ROBO1: variants seen among roughly 807,000 people sequenced by gnomAD.
The protein encoded by ROBO1 is roundabout guidance receptor 1, also known as roundabout homolog 1.
In ROBO1, 149 loss-of-function variants were observed where a neutral mutation model predicts 195.9. That is an observed-to-expected ratio of 0.76 (90% CI 0.67 to 0.87). The LOEUF (loss-of-function observed/expected upper bound fraction) is 0.87, where lower values mean the gene tolerates loss of function less well. Among genes scored for constraint, ROBO1 ranks in the 40% least tolerant of loss-of-function variants. The pLI is 0.00. For synonymous variants in ROBO1, 816 were observed against 733.2 expected, an observed-to-expected ratio of 1.11 and a Z score of -1.82; for missense variants, 1,933 against 2,068.3, an observed-to-expected ratio of 0.93 and a Z score of 1.27.
chr3:79,679,031 G>A, intron 1 of ROBO1, among the ~76,000 whole-genome samples: 1 of 151,736 alleles, frequency 6.6e-6, no homozygotes, highest in East Asian at 1.9e-4. Context: ...TTCTCATACA[G>A]AATATTAAAA....
chr3:79,046,941 T>A lies in ROBO1; in HGVS notation c.172+78515A>T, dbSNP rs2078606068. Among the ~76,000 whole-genome samples the A allele has an allele frequency of 2.6e-5, 4 of 152,296 alleles. No individual in the cohort carries two copies. The South Asian group carries it at 8.3e-4, about 32-fold the overall frequency. ...TTATTGAATTATTGAGATTATTTGTTATGCAGCAATAGATAACTAATACAG... is the reference window on the plus strand; with the variant it reads ...TTATTGAATTATTGAGATTATTTGTAATGCAGCAATAGATAACTAATACAG... On this transcript the variant is annotated intron_variant, in intron 3 of 30. Transcript: ENST00000464233.
At chr3:78,789,346 A>C (rs1309635049) in intron 4 of ROBO1, among the ~76,000 whole-genome samples, 1 of 152,218 alleles carries the variant, frequency 6.6e-6, no homozygotes, top group Non-Finnish European at 1.5e-5. Flanking sequence ...GCTCAAATTT[A>C]CAAATGAAAT....
chr3:79,586,562 T>G (rs1183779762), intron 2 of ROBO1, among the ~76,000 whole-genome samples: 1 of 151,976 alleles, frequency 6.6e-6, no homozygotes, highest in East Asian at 1.9e-4. Context: ...TTCTGTCTGA[T>G]TTATTCAAAT....
intron 1 of ROBO1, among the ~76,000 whole-genome samples, chr3:79,692,912 TTA>T (rs1392467489): frequency 1.3e-5 from 2 of 151,818 alleles, no homozygotes; most frequent in African/African-American, 2.4e-5. Context: ...CAGAATTCAT[TTA>T]TGTTTCATAT....
chr3:79,478,164 A>T (rs1575883189), intron 2 of ROBO1, among the ~76,000 whole-genome samples: 1 of 152,168 alleles, frequency 6.6e-6, no homozygotes, highest in Non-Finnish European at 1.5e-5. Context: ...GTGCCCTGGG[A>T]TCTACAGAAG....
chr3:79,449,977 G>A (rs898047678), intron 2 of ROBO1, among the ~76,000 whole-genome samples: 27 of 152,026 alleles, frequency 1.8e-4, no homozygotes, highest in African/African-American at 6.0e-4. Context: ...TCAACATCTG[G>A]GCTGTGAATA....
At chr3:78,977,780 C>T (rs1478517730) in intron 3 of ROBO1, among the ~76,000 whole-genome samples, 1 of 152,036 alleles carries the variant, frequency 6.6e-6, no homozygotes, top group East Asian at 1.9e-4. Context: ...GTATGCACTA[C>T]TGCTCACACT....
chr3:79,433,675 T>C (rs577215638), intron 2 of ROBO1, among the ~76,000 whole-genome samples: 2 of 152,268 alleles, frequency 1.3e-5, no homozygotes, highest in Admixed American at 1.3e-4. Context: ...TACCAATGAC[T>C]TTCTTCACAG....
intron 4 of ROBO1, among the ~76,000 whole-genome samples, chr3:78,762,756 CTTAAT>C (rs1313798441): frequency 3.9e-5 from 6 of 151,940 alleles, no homozygotes; most frequent in Non-Finnish European, 7.4e-5. Flanking sequence ...TTAAGGATTA[CTTAAT>C]TTATTGTCTT....
intron 3 of ROBO1, among the ~76,000 whole-genome samples, chr3:79,011,182 G>A (rs912428275): frequency 1.1e-4 from 17 of 152,152 alleles, no homozygotes; most frequent in Admixed American, 1.1e-3. Flanking sequence ...TTTGTTGTAT[G>A]AGCAAGGACA....
chr3:79,656,908 AT>A (rs201996247), intron 1 of ROBO1, among the ~76,000 whole-genome samples: 3 of 151,620 alleles, frequency 2.0e-5, no homozygotes, highest in East Asian at 1.9e-4. Context: ...AAGAAAAAAA[AT>A]AATGCTCTTG....
At chr3:79,557,167 T>A (rs1340239075) in intron 2 of ROBO1, among the ~76,000 whole-genome samples, 1 of 152,000 alleles carries the variant, frequency 6.6e-6, no homozygotes, top group Admixed American at 6.6e-5. Context: ...ATTAAATTAA[T>A]CTTAAAGCTT....
intron 2 of ROBO1, among the ~76,000 whole-genome samples, chr3:79,453,683 C>T (rs945913717): frequency 3.9e-5 from 6 of 151,970 alleles, no homozygotes; most frequent in Admixed American, 2.0e-4. Context: ...GTGCTGAAAA[C>T]CTGGGAAAAT....
At chr3:79,020,313 C>T (rs1054680748) in intron 3 of ROBO1, among the ~76,000 whole-genome samples, 5 of 152,142 alleles carry the variant, frequency 3.3e-5, no homozygotes, top group African/African-American at 1.2e-4. Context: ...ATTGCATTAA[C>T]AAAAAATACA....
intron 3 of ROBO1, among the ~76,000 whole-genome samples, chr3:78,962,486 C>A (rs890599706): frequency 6.7e-6 from 1 of 150,296 alleles, no homozygotes; most frequent in Non-Finnish European, 1.5e-5. Flanking sequence ...GGTCTGCCAT[C>A]CTTCCCTGGT....
chr3:78,911,975 A>G (rs2038271216), intron 4 of ROBO1, among the ~76,000 whole-genome samples: 1 of 152,102 alleles, frequency 6.6e-6, no homozygotes, highest in Non-Finnish European at 1.5e-5. Flanking sequence ...AGAGAGAAGA[A>G]ATATTTTTTA....
At chr3:78,711,222 A>G (rs1208719966) in intron 8 of ROBO1, among the ~76,000 whole-genome samples, 1 of 151,754 alleles carries the variant, frequency 6.6e-6, no homozygotes, top group Admixed American at 6.6e-5. Flanking sequence ...AACCACCAGA[A>G]GCTGCTTGAG....
chr3:78,777,989 A>T (rs1343680576), intron 4 of ROBO1, among the ~76,000 whole-genome samples: 1 of 152,124 alleles, frequency 6.6e-6, no homozygotes, highest in Non-Finnish European at 1.5e-5. Context: ...AATAGCTCTT[A>T]TTATTTTGAG....
intron 1 of ROBO1, among the ~76,000 whole-genome samples, chr3:79,756,123 T>C (rs888590257): frequency 1.3e-5 from 2 of 152,228 alleles, no homozygotes; most frequent in African/African-American, 4.8e-5. Context: ...AGATGCATTG[T>C]AGGTATGTTC....
Sources: allele counts gnomAD v4.1 joint callset (sites outside exome capture counted in the v4.1 genomes callset), GRCh38; gene constraint gnomAD v4.1.1; transcripts MANE v1.5; gene names NCBI Gene and HGNC (gene_info 2026-07-23, HGNC 2026-07-21).